Variants in DSCAM observed in about 807,000 individuals in gnomAD.
DSCAM encodes cell adhesion molecule DSCAM.
DSCAM carries 47 observed loss-of-function variants against 217.7 expected under a neutral mutation model. That is an observed-to-expected ratio of 0.22 (90% CI 0.17 to 0.28). The LOEUF is 0.28. Ranked by LOEUF, DSCAM falls within the 10% of genes least tolerant of loss-of-function variation. The pLI is 1.00. For missense variants in DSCAM, 2,080 were observed against 2,618.3 expected (o/e 0.79, Z 4.49); for synonymous variants, 1,056 against 1,015.3 (o/e 1.04, Z -0.76).
intron 11 of DSCAM, among the ~76,000 whole-genome samples, chr21:40,210,058 A>G (rs1168207960): frequency 6.6e-6 from 1 of 152,138 alleles, no homozygotes; most frequent in Non-Finnish European, 1.5e-5. Context: ...ATTCCACCCC[A>G]GCACTCAAAC....
chr21:40,235,459 C>G (rs2091419659), intron 11 of DSCAM, among the ~76,000 whole-genome samples: 1 of 152,164 alleles, frequency 6.6e-6, no homozygotes, highest in East Asian at 1.9e-4. Flanking sequence ...AAGAGAGCTG[C>G]TACTTCGGTC....
intron 1 of DSCAM, among the ~76,000 whole-genome samples, chr21:40,769,908 T>C (rs1009007693): frequency 6.6e-6 from 1 of 152,262 alleles, no homozygotes; most frequent in East Asian, 1.9e-4. Context: ...TAAATAATAT[T>C]CCATCCACTG....
chr21:40,450,655 A>G (rs1569128841), intron 3 of DSCAM, among the ~76,000 whole-genome samples: 1 of 152,226 alleles, frequency 6.6e-6, no homozygotes. Context: ...TATCTTTCAT[A>G]GGCATGAAGT....
intron 20 of DSCAM, among the ~76,000 whole-genome samples, chr21:40,114,117 C>T (rs1192280971): frequency 6.7e-6 from 1 of 150,168 alleles, no homozygotes; most frequent in Non-Finnish European, 1.5e-5. Context: ...CAATCCTAAG[C>T]CAAAAGAACA....
At chr21:40,315,040 G>C (rs146802154) in intron 8 of DSCAM, among the ~76,000 whole-genome samples, 9 of 152,166 alleles carry the variant, frequency 5.9e-5, no homozygotes, top group Non-Finnish European at 1.3e-4. Context: ...GAAGGAATAC[G>C]TGAGGATTTA....
chr21:40,276,204 G>C lies in DSCAM; in HGVS notation c.2249C>G (p.Ser750Trp), dbSNP rs754083673. Residue 750 changes from serine (S) to tryptophan (W), a missense_variant, in exon 11 of 33, where the codon TCG becomes TGG. By Grantham distance (177) the Ser-to-Trp change is radical. Coordinates refer to ENST00000400454, the MANE Select transcript of DSCAM (RefSeq NM_001389.5). The part of the protein sequence containing the change: ...NGRIQVLSNG[S>W]LLIKHVVEED... ...CTCCACGACATGCTTGATCAGCAAC[G>C]ACCCATTGCTGAGAACTTGGATTCG... 2 of 1,613,128 alleles carry C rather than the reference G, an allele frequency of 1.2e-6. No homozygotes were observed. Among genetic ancestry groups the C allele is most frequent in the Non-Finnish European group, 1.7e-6 (2 of 1,179,518 alleles).
intron 3 of DSCAM, among the ~76,000 whole-genome samples, chr21:40,467,995 G>A (rs149623621): frequency 2.0e-5 from 3 of 149,924 alleles, no homozygotes; most frequent in Non-Finnish European, 2.9e-5. Flanking sequence ...AATTCCTTGC[G>A]GGCCCCAAGA....
intron 18 of DSCAM, among the ~76,000 whole-genome samples, chr21:40,140,317 G>C (rs1480011587): frequency 6.6e-6 from 1 of 152,116 alleles, no homozygotes; most frequent in Admixed American, 6.5e-5. Flanking sequence ...TCTTTAAAAA[G>C]CTGCATGCAC....
chr21:40,616,258 C>T, intron 3 of DSCAM, among the ~76,000 whole-genome samples: 1 of 152,176 alleles, frequency 6.6e-6, no homozygotes. Flanking sequence ...TTCAGGAAGG[C>T]CTAACTGACC....
At chr21:40,582,649 T>C (rs1251157559) in intron 3 of DSCAM, among the ~76,000 whole-genome samples, 1 of 152,018 alleles carries the variant, frequency 6.6e-6, no homozygotes, top group Admixed American at 6.5e-5. Flanking sequence ...ACTGGGATTC[T>C]GTACATATAC....
At chr21:40,834,770 C>T (rs2092043623) in intron 1 of DSCAM, among the ~76,000 whole-genome samples, 2 of 152,114 alleles carry the variant, frequency 1.3e-5, no homozygotes, top group Admixed American at 1.3e-4. Flanking sequence ...TGAATAAACC[C>T]AGAGAAGGCC....
chr21:40,559,231 G>A (rs1251741352), intron 3 of DSCAM, among the ~76,000 whole-genome samples: 1 of 152,210 alleles, frequency 6.6e-6, no homozygotes, highest in Non-Finnish European at 1.5e-5. Context: ...GGCTGAGGCG[G>A]GAGGATCACG....
chr21:40,448,264 A>G (rs1237269604), intron 3 of DSCAM, among the ~76,000 whole-genome samples: 1 of 152,208 alleles, frequency 6.6e-6, no homozygotes, highest in Non-Finnish European at 1.5e-5. Flanking sequence ...GTAGGCACAC[A>G]CCATCCAATC....
intron 15 of DSCAM, among the ~76,000 whole-genome samples, chr21:40,175,319 G>A (rs77832008): frequency 0.036 from 5,483 of 152,040 alleles, 239 homozygotes; most frequent in East Asian, 0.15. Context: ...TAGCCATGTC[G>A]GCCAGGCTGG....
chr21:40,142,388 A>G (rs11701057), intron 18 of DSCAM, among the ~76,000 whole-genome samples, 170 bp downstream of exon 18: 65,666 of 152,014 alleles, frequency 0.43, 17,216 homozygotes, highest in South Asian at 0.59. Flanking sequence ...GTTTTAAACA[A>G]AGAGACCTGT....
At chr21:40,625,299 G>A (rs1258916349) in intron 3 of DSCAM, among the ~76,000 whole-genome samples, 1 of 152,020 alleles carries the variant, frequency 6.6e-6, no homozygotes, top group Non-Finnish European at 1.5e-5. Context: ...TGGGGAATAA[G>A]AGAAAAACAT....
At chr21:40,800,289 A>C (rs536551710) in intron 1 of DSCAM, among the ~76,000 whole-genome samples, 1 of 152,280 alleles carries the variant, frequency 6.6e-6, no homozygotes, top group African/African-American at 2.4e-5. Flanking sequence ...GAACTAAGAC[A>C]GAAAATTGGT....
intron 1 of DSCAM, among the ~76,000 whole-genome samples, chr21:40,838,792 C>T (rs1772984968): frequency 1.3e-5 from 2 of 152,112 alleles, no homozygotes; most frequent in Non-Finnish European, 1.5e-5. Context: ...ATAGATGGTT[C>T]TTTATAAGAC....
In DSCAM at chr21:40,116,259, T is replaced by A. The variant is rs1320605628; in HGVS notation, c.3696+7936A>T. Among the ~76,000 whole-genome samples the A allele has an allele frequency of 1.7e-4, 26 of 152,098 alleles. 1 individual carries two copies. The highest frequency in any genetic ancestry group is 2.1e-4 in the South Asian group (1 of 4,828). On this transcript the variant is annotated intron_variant, in intron 20 of 32. Transcript: ENST00000400454. ...GATGAAATAATCTGTAAAACAAACT[T>A]TTGTGACACAAGTTTACCTATATAA...
Sources: allele counts gnomAD v4.1 joint callset (sites outside exome capture counted in the v4.1 genomes callset), GRCh38; gene constraint gnomAD v4.1.1; transcripts MANE v1.5; gene names NCBI Gene and HGNC (gene_info 2026-07-23, HGNC 2026-07-21).